The following CDK2AP1 variants were observed in gnomAD, a reference collection of about 807,000 sequenced individuals.
CDK2AP1 encodes the protein cyclin-dependent kinase 2-associated protein 1.
Under a neutral mutation model 14.1 loss-of-function variants are expected in CDK2AP1, and 10 were observed. That is an observed-to-expected ratio of 0.71 (90% CI 0.44 to 1.20). The LOEUF (loss-of-function observed/expected upper bound fraction) is 1.20, where lower values mean the gene tolerates loss of function less well. Ranked by LOEUF, CDK2AP1 falls within the 50% of genes most tolerant of loss-of-function variation. The pLI, the probability that CDK2AP1 is intolerant of heterozygous loss-of-function variation, is 0.00. For missense variants in CDK2AP1, 102 were observed against 149.9 expected, an observed-to-expected ratio of 0.68 and a Z score of 1.67; for synonymous variants, 59 against 59.8, an observed-to-expected ratio of 0.99 and a Z score of 0.06.
At chr12:123,264,900 A>G (rs1225788268) in intron 3 of CDK2AP1, among the ~76,000 whole-genome samples, 4 of 152,050 alleles carry the variant, frequency 2.6e-5, no homozygotes, top group African/African-American at 9.7e-5. Context: ...GGGCACTTCG[A>G]ACACACCCTT....
At chr12:123,268,515 AC>A (rs1163401790) in intron 1 of CDK2AP1, among the ~76,000 whole-genome samples, 1 of 152,186 alleles carries the variant, frequency 6.6e-6, no homozygotes, top group East Asian at 1.9e-4. Flanking sequence ...GAGAACGGGG[AC>A]CGTTCCGAGC....
chr12:123,263,905 A>C (rs572233385), intron 3 of CDK2AP1, among the ~76,000 whole-genome samples: 1 of 151,868 alleles, frequency 6.6e-6, no homozygotes, highest in South Asian at 2.1e-4. Flanking sequence ...AGAAATCGAA[A>C]CCATCCTGGC....
intron 1 of CDK2AP1, chr12:123,267,509 G>A (rs1370845556): frequency 2.1e-6 from 1 of 486,184 alleles, no homozygotes; most frequent in East Asian, 3.9e-5. Flanking sequence ...GGTCCTCACA[G>A]AGCTCCATCC....
chr12:123,265,867 G>A lies in CDK2AP1; in HGVS notation c.154-545C>T, dbSNP rs1249088510. On this transcript the variant is annotated intron_variant, in intron 2 of 3. Transcript: ENST00000261692. The surrounding 1 kb of genome is among the most constrained non-coding windows in gnomAD (Gnocchi z 5.3). ...TCCCAGGTGCCAAGCCTCCAAGCCAGTGGGGAGACAAGAGGCCACACCTGG... is the reference window on the plus strand; with the variant it reads ...TCCCAGGTGCCAAGCCTCCAAGCCAATGGGGAGACAAGAGGCCACACCTGG... 1.3e-5 allele frequency among the ~76,000 whole-genome samples: 2 copies of A among 152,170 alleles called. No homozygotes were observed. The highest frequency in any genetic ancestry group is 2.9e-5 in the Non-Finnish European group (2 of 68,014).
intron 1 of CDK2AP1, among the ~76,000 whole-genome samples, chr12:123,270,658 G>A (rs576214525): frequency 6.6e-6 from 1 of 152,280 alleles, no homozygotes; most frequent in African/African-American, 2.4e-5. Flanking sequence ...CCTGGGCTCA[G>A]CCCGAAGCTG....
intron 1 of CDK2AP1, chr12:123,268,312 G>A (rs1279365904): frequency 8.4e-6 from 7 of 837,594 alleles, no homozygotes; most frequent in Non-Finnish European, 1.0e-5. Context: ...CTCGCTTGGT[G>A]TGGGTGAGGG....
intron 1 of CDK2AP1, chr12:123,268,218 C>A (rs2048317699): frequency 1.0e-6 from 1 of 985,412 alleles, no homozygotes; most frequent in Non-Finnish European, 1.2e-6. Flanking sequence ...GCCACACGGT[C>A]TCTCTCTCAC....
intron 1 of CDK2AP1, chr12:123,267,746 G>C (rs1216367770): frequency 1.2e-5 from 2 of 162,240 alleles, no homozygotes; most frequent in East Asian, 1.8e-4. Context: ...TCAATGACAG[G>C]GAAGACAGGA....
rs545150386 is a variant in CDK2AP1 at position 123,263,887 on chromosome 12, CA to C, written c.280+1308del. 6.6e-5 allele frequency among the ~76,000 whole-genome samples: 10 copies of C among 151,980 alleles called. No homozygotes were observed. The South Asian group carries it at 1.9e-3, about 28-fold the overall frequency. On this transcript the variant is annotated intron_variant, in intron 3 of 3. Transcript: ENST00000261692. ...TTGGGAGGCCAAGGCGGGAGGATCA[CA>C]AGGTCAAGAAATCGAAACCATCCTG...
Position 123,265,401 on chromosome 12 carries a change from G to T in CDK2AP1, c.154-79C>A. ...GCCTGTAGTCCCAGTTACTCAGGAGGCTGAGGCAGGAGAACTGCTTGGACC... is the reference window on the plus strand; with the variant it reads ...GCCTGTAGTCCCAGTTACTCAGGAGTCTGAGGCAGGAGAACTGCTTGGACC... On this transcript the variant is annotated intron_variant, in intron 2 of 3. Coordinates refer to ENST00000261692, the MANE Select transcript of CDK2AP1 (RefSeq NM_004642.4). This position sits in a 1 kb window ranked among gnomAD's most constrained non-coding sequence, Gnocchi z 5.3. 1.4e-6 allele frequency: 2 copies of T among 1,437,730 alleles called. No homozygotes were observed. The highest frequency in any genetic ancestry group is 1.9e-6 in the Non-Finnish European group (2 of 1,027,570). The allele number at this position is 1,437,730 out of a possible 1,614,324, so 89.1% of individuals were successfully genotyped here. A position where few individuals can be genotyped will look rare whatever the true frequency, so the allele number is the denominator to read the frequency against.
rs568098719 is a variant in CDK2AP1 at position 123,265,448 on chromosome 12, A to AC, written c.154-127_154-126insG. ...GACCCAGGAGGTGGAAGTTGCAGTGAGCCAAGATCACTCCACTGCACTCCA... is the reference window on the plus strand; with the variant it reads ...GACCCAGGAGGTGGAAGTTGCAGTGACGCCAAGATCACTCCACTGCACTCCA... On this transcript the variant is annotated intron_variant, in intron 2 of 3. Coordinates refer to ENST00000261692, the MANE Select transcript of CDK2AP1 (RefSeq NM_004642.4). The surrounding 1 kb of genome is among the most constrained non-coding windows in gnomAD (Gnocchi z 5.3). 4.1e-4 allele frequency: 333 copies of AC among 820,860 alleles called. No individual in the cohort carries two copies. In the African/African-American group the frequency reaches 5.1e-3, roughly 13 times the overall value. The allele number at this position is 820,860 out of a possible 1,614,324, so 50.8% of individuals were successfully genotyped here. A position where few individuals can be genotyped will look rare whatever the true frequency, so the allele number is the denominator to read the frequency against.
intron 1 of CDK2AP1, chr12:123,271,091 G>T: frequency 1.1e-6 from 1 of 897,100 alleles, no homozygotes; most frequent in Non-Finnish European, 1.3e-6. Flanking sequence ...CGCCCGCGCG[G>T]GTCCTGGCCC....
At position 123,271,639 on chromosome 12, in the gene CDK2AP1, C is replaced by G. The variant is rs773196798; in HGVS notation, c.-21G>C. 1.0e-5 allele frequency: 10 copies of G among 974,356 alleles called. No homozygotes were observed. In the South Asian group the frequency reaches 4.6e-4, roughly 44 times the overall value. 60.4% of individuals were successfully genotyped at this position (974,356 alleles called of 1,614,324 possible). ...GACATCCCCCCGGGCGGCGGGCGCG[C>G]CGGGCGCGGCGGGGCCAGGCCGCGA... On this transcript the variant is annotated 5_prime_UTR_variant, in exon 1 of 4. Coordinates refer to ENST00000261692, the MANE Select transcript of CDK2AP1 (RefSeq NM_004642.4).
chr12:123,270,481 C>T (rs762903416), intron 1 of CDK2AP1, among the ~76,000 whole-genome samples: 3 of 152,120 alleles, frequency 2.0e-5, no homozygotes. Flanking sequence ...CGGGGCCACT[C>T]CTCTCCCCGT....
chr12:123,272,130 A>G (rs1483224858), upstream of CDK2AP1: 5 of 151,950 alleles, frequency 3.3e-5, no homozygotes, highest in Non-Finnish European at 7.4e-5. Context: ...CTTCCCCTTG[A>G]TGGTGGGGGC....
intron 1 of CDK2AP1, among the ~76,000 whole-genome samples, chr12:123,269,459 G>C (rs972840192): frequency 1.1e-4 from 16 of 152,230 alleles, no homozygotes; most frequent in Non-Finnish European, 1.3e-4. Context: ...TTCCACTCCT[G>C]GTCACTCCTT....
chr12:123,263,762 A>C (rs958151079), intron 3 of CDK2AP1, among the ~76,000 whole-genome samples: 2 of 152,224 alleles, frequency 1.3e-5, no homozygotes, highest in African/African-American at 4.8e-5. Context: ...ACTGGGGCAT[A>C]ACTTCAACTA....
chr12:123,266,436 G>A lies in CDK2AP1; in HGVS notation c.153+749C>T, dbSNP rs151081151. On this transcript the variant is annotated intron_variant, in intron 2 of 3. Transcript: ENST00000261692. Reference sequence around the variant, plus strand: ...CCTGGTGGGGCATGGCCGGGGAGCCGCCCACTTGGCGAGGAACAGGCTCCA... The same window carrying A: ...CCTGGTGGGGCATGGCCGGGGAGCCACCCACTTGGCGAGGAACAGGCTCCA... 5.2e-4 allele frequency among the ~76,000 whole-genome samples: 79 copies of A among 152,350 alleles called. No homozygotes were observed. In the East Asian group the frequency reaches 0.014, roughly 27 times the overall value.
upstream of CDK2AP1, chr12:123,272,203 C>G (rs1351416533): frequency 6.6e-6 from 1 of 152,160 alleles, no homozygotes; most frequent in African/African-American, 2.4e-5. Context: ...GTAGATCATT[C>G]CAGACGCCCA....
Sources: allele counts gnomAD v4.1 joint callset (sites outside exome capture counted in the v4.1 genomes callset), GRCh38; gene constraint gnomAD v4.1.1; non-coding constraint Gnocchi (gnomAD v3.1); transcripts MANE v1.5; gene names NCBI Gene and HGNC (gene_info 2026-07-23, HGNC 2026-07-21).